PAPPA: variants seen among roughly 807,000 people sequenced by gnomAD.
The protein encoded by PAPPA is pappalysin 1.
A neutral mutation model predicts 164.0 loss-of-function variants in PAPPA; 60 were observed. The ratio of observed to expected loss-of-function variants is 0.37; its 90% CI spans 0.30 to 0.45. PAPPA has a LOEUF of 0.45. Among genes scored for constraint, PAPPA ranks in the 20% least tolerant of loss-of-function variants. The pLI is 1.00. For missense variants in PAPPA, 1,782 were observed against 2,087.3 expected, an observed-to-expected ratio of 0.85 and a Z score of 2.85; for synonymous variants, 875 against 814.1, an observed-to-expected ratio of 1.07 and a Z score of -1.27.
At chr9:116,195,432 ATACAGTC>A (rs1844092777) in intron 2 of PAPPA, among the ~76,000 whole-genome samples, 1 of 152,232 alleles carries the variant, frequency 6.6e-6, no homozygotes, top group African/African-American at 2.4e-5. Flanking sequence ...TAGAAGATCA[ATACAGTC>A]TAGCAAATAA....
Position 116,398,587 on chromosome 9 carries a change from G to A in PAPPA, c.*1971G>A. On this transcript the variant is annotated 3_prime_UTR_variant, in exon 22 of 22. Transcript: ENST00000328252. ...AAAAACACTTGAGAAGACATCTATT[G>A]GCCATCTCTGGCCAATTACACTAAG... The A allele has an allele frequency of 8.0e-7, 1 of 1,252,932 alleles. No individual in the cohort carries two copies. The allele number at this position is 1,252,932 out of a possible 1,614,324, so 77.6% of individuals were successfully genotyped here. A position where few individuals can be genotyped will look rare whatever the true frequency, so the allele number is the denominator to read the frequency against.
chr9:116,255,806 G>A (rs1293419769), intron 7 of PAPPA, among the ~76,000 whole-genome samples: 1 of 151,704 alleles, frequency 6.6e-6, no homozygotes, highest in African/African-American at 2.4e-5. Flanking sequence ...GGTGTACTAG[G>A]GAAAAAATAT....
chr9:116,262,107 C>T (rs546488077), intron 7 of PAPPA, among the ~76,000 whole-genome samples: 144 of 150,964 alleles, frequency 9.5e-4, no homozygotes, highest in African/African-American at 3.3e-3. Context: ...CCCAGCTACT[C>T]GGGAGGCTGA....
chr9:116,187,410 G>A lies in PAPPA; in HGVS notation c.672G>A (p.Val224=). 6 of 1,614,104 alleles carry A rather than the reference G, an allele frequency of 3.7e-6. No homozygotes were observed. The highest frequency in any genetic ancestry group is 5.1e-6 in the Non-Finnish European group (6 of 1,180,020). ...AGGTGGCCACCTCTGGGGAACAAGT[G>A]GGTGGCATATTCAGCCCACTGACCC... ...GAQVATSGEQ[V]GGIFSPLTQK... The change falls in exon 2 of 22, where the codon GTG becomes GTA. Residue 224 remains valine (V), a synonymous_variant. Coordinates refer to ENST00000328252, the MANE Select transcript of PAPPA (RefSeq NM_002581.5). The surrounding 1 kb of genome is among the most constrained non-coding windows in gnomAD (Gnocchi z 4.2).
intron 19 of PAPPA, among the ~76,000 whole-genome samples, chr9:116,374,170 T>TTGA (rs201692119): frequency 2.3e-4 from 32 of 139,672 alleles, no homozygotes; most frequent in East Asian, 4.2e-4. Context: ...GGTGGTGGTG[T>TTGA]TGATGATGAT....
chr9:116,297,376 A>G (rs763099617), intron 9 of PAPPA, among the ~76,000 whole-genome samples: 1 of 152,224 alleles, frequency 6.6e-6, no homozygotes, highest in Non-Finnish European at 1.5e-5. Context: ...AACTGATGAG[A>G]GTCAATGTGA....
chr9:116,312,454 A>G (rs1289877873), intron 10 of PAPPA, among the ~76,000 whole-genome samples: 1 of 152,118 alleles, frequency 6.6e-6, no homozygotes, highest in African/African-American at 2.4e-5. Flanking sequence ...AGGAAGCAAT[A>G]GCCAGTTGAG....
intron 7 of PAPPA, among the ~76,000 whole-genome samples, chr9:116,264,892 G>T (rs1451867204): frequency 6.6e-6 from 1 of 152,176 alleles, no homozygotes; most frequent in African/African-American, 2.4e-5. Context: ...TGCCTTGGAG[G>T]ATAATTGGCA....
chr9:116,213,553 T>A (rs186457075), intron 4 of PAPPA, among the ~76,000 whole-genome samples: 1 of 152,108 alleles, frequency 6.6e-6, no homozygotes, highest in African/African-American at 2.4e-5. Flanking sequence ...CTATAGCACC[T>A]TTTCTTGGCC....
At chr9:116,169,987 G>A (rs765810278) in intron 1 of PAPPA, among the ~76,000 whole-genome samples, 3 of 151,986 alleles carry the variant, frequency 2.0e-5, no homozygotes, top group African/African-American at 7.3e-5. Flanking sequence ...TACCAGAATA[G>A]CACTCCTATT....
At chr9:116,242,378 G>A (rs1320062377) in intron 7 of PAPPA, among the ~76,000 whole-genome samples, 1 of 152,110 alleles carries the variant, frequency 6.6e-6, no homozygotes, top group Non-Finnish European at 1.5e-5. Context: ...AATAAATGAA[G>A]GGAGGAAGGA....
At chr9:116,276,949 C>G (rs1845207003) in intron 9 of PAPPA, among the ~76,000 whole-genome samples, 1 of 152,096 alleles carries the variant, frequency 6.6e-6, no homozygotes, top group South Asian at 2.1e-4. Flanking sequence ...CTCTGTCAGG[C>G]TGCTCTGGCC....
At chr9:116,191,572 G>C (rs1434757030) in intron 2 of PAPPA, among the ~76,000 whole-genome samples, 1 of 152,158 alleles carries the variant, frequency 6.6e-6, no homozygotes, top group Admixed American at 6.5e-5. Context: ...TTCCACTTTA[G>C]TGGGAAAGTC....
At chr9:116,236,369 G>A (rs1490276415) in intron 7 of PAPPA, among the ~76,000 whole-genome samples, 1 of 152,010 alleles carries the variant, frequency 6.6e-6, no homozygotes, top group Non-Finnish European at 1.5e-5. Flanking sequence ...CGGGTCACCT[G>A]AGGTCAGGAG....
chr9:116,246,869 AATT>A lies in PAPPA; in HGVS notation c.2732+11233_2732+11235del, dbSNP rs537255666. Among the ~76,000 whole-genome samples, 555 of 152,092 alleles carry A rather than the reference AATT, an allele frequency of 3.6e-3. 1 individual carries two copies. Among genetic ancestry groups the A allele is most frequent in the African/African-American group, 0.013 (531 of 41,474 alleles). On this transcript the variant is annotated intron_variant, in intron 7 of 21. Coordinates refer to ENST00000328252, the MANE Select transcript of PAPPA (RefSeq NM_002581.5). ...ATCTTGACAAAATAACAATAATAAT[AATT>A]TAGTCAGGTATAGTGATGTGCACCT...
At chr9:116,188,801 T>C (rs1844009165) in intron 2 of PAPPA, among the ~76,000 whole-genome samples, 1 of 152,230 alleles carries the variant, frequency 6.6e-6, no homozygotes, top group Non-Finnish European at 1.5e-5. Context: ...CTCAGCTCTC[T>C]GTGACTTCTT....
At chr9:116,345,616 T>C (rs147475989) in intron 14 of PAPPA, among the ~76,000 whole-genome samples, 20 of 152,256 alleles carry the variant, frequency 1.3e-4, no homozygotes, top group African/African-American at 4.8e-4. Flanking sequence ...GGAAATGACA[T>C]GGTCAGATCC....
At chr9:116,294,674 G>A (rs559931594) in intron 9 of PAPPA, among the ~76,000 whole-genome samples, 4 of 152,264 alleles carry the variant, frequency 2.6e-5, no homozygotes, top group South Asian at 2.1e-4. Context: ...CAAAGATCAC[G>A]CTTTGTTGTG....
At chr9:116,395,569 C>T (rs1846951698) in intron 21 of PAPPA, among the ~76,000 whole-genome samples, 1 of 152,186 alleles carries the variant, frequency 6.6e-6, no homozygotes, top group Non-Finnish European at 1.5e-5. Context: ...GCACTGTGCT[C>T]TTTGGAAAGA....
Sources: gnomAD v4.1 joint callset for allele counts (sites outside exome capture counted in the v4.1 genomes callset) on GRCh38, gnomAD v4.1.1 for gene constraint, Gnocchi (gnomAD v3.1) non-coding constraint, MANE v1.5 for transcripts, NCBI Gene and HGNC (gene_info 2026-07-23, HGNC 2026-07-21) for gene names.